PEAK1: variants seen among roughly 807,000 people sequenced by gnomAD.
PEAK1 encodes the protein pseudopodium enriched atypical kinase 1.
A neutral mutation model predicts 124.7 loss-of-function variants in PEAK1; 54 were observed. The ratio of observed to expected loss-of-function variants is 0.43; its 90% CI spans 0.35 to 0.54. The LOEUF (loss-of-function observed/expected upper bound fraction) is 0.54, where lower values mean the gene tolerates loss of function less well. Among genes scored for constraint, PEAK1 ranks in the 20% least tolerant of loss-of-function variants. The probability of loss-of-function intolerance (pLI) is 0.01; values close to 1 mark genes in which losing one functional copy is unlikely to be tolerated. For missense variants in PEAK1, 2,046 were observed against 2,134.5 expected, an observed-to-expected ratio of 0.96 and a Z score of 0.82; for synonymous variants, 719 against 760.0, an observed-to-expected ratio of 0.95 and a Z score of 0.89.
chr15:77,118,159 T>A (rs2051566474), intron 9 of PEAK1, among the ~76,000 whole-genome samples: 1 of 152,210 alleles, frequency 6.6e-6, no homozygotes, highest in Admixed American at 6.5e-5. Context: ...TGAGTCACTC[T>A]AGCTTTAAGA....
chr15:77,255,091 G>A (rs1416124329), intron 5 of PEAK1, among the ~76,000 whole-genome samples: 3 of 151,932 alleles, frequency 2.0e-5, no homozygotes, highest in African/African-American at 7.3e-5. Context: ...CCAGATATAG[G>A]GCACACATGT....
downstream of PEAK1, chr15:77,105,494 C>G (rs1330574251): frequency 1.3e-5 from 2 of 152,092 alleles, no homozygotes; most frequent in Non-Finnish European, 2.9e-5. Flanking sequence ...TTCCCTCCTA[C>G]CCCCCCACCC....
chr15:77,370,608 T>G (rs888141811), intron 1 of PEAK1: 59 of 772,116 alleles, frequency 7.6e-5, no homozygotes, highest in Non-Finnish European at 9.3e-5. Flanking sequence ...ATTTCTAAAG[T>G]CCCTTGCCTA....
intron 1 of PEAK1, chr15:77,402,764 G>A: frequency 1.0e-6 from 1 of 985,160 alleles, no homozygotes; most frequent in Non-Finnish European, 1.2e-6. Context: ...CTTTCATACT[G>A]CACATGCCAT....
intron 9 of PEAK1, among the ~76,000 whole-genome samples, chr15:77,129,443 A>AT (rs35174642): frequency 0.016 from 2,299 of 141,120 alleles, 51 homozygotes; most frequent in African/African-American, 0.052. Context: ...TCTACCACTG[A>AT]TTTTTTTTTT....
intron 1 of PEAK1, chr15:77,381,564 T>C: frequency 1.5e-6 from 1 of 680,176 alleles, no homozygotes; most frequent in Middle Eastern, 7.6e-4. Flanking sequence ...AAAGGTTCAC[T>C]TGTAAGGCAT....
At chr15:77,310,759 CTGGCT>C (rs1210382431) in intron 2 of PEAK1, among the ~76,000 whole-genome samples, 2 of 152,116 alleles carry the variant, frequency 1.3e-5, no homozygotes, top group Non-Finnish European at 2.9e-5. Context: ...TGACCTAGAC[CTGGCT>C]TGGGGATAAC....
intron 6 of PEAK1, among the ~76,000 whole-genome samples, chr15:77,202,012 C>T (rs17467967): frequency 0.028 from 4,311 of 152,214 alleles, 94 homozygotes; most frequent in South Asian, 0.095. Flanking sequence ...ATTTTAGACT[C>T]CAATATTGTT....
At chr15:77,314,690 T>C (rs1188581912) in intron 2 of PEAK1, among the ~76,000 whole-genome samples, 1 of 152,118 alleles carries the variant, frequency 6.6e-6, no homozygotes, top group Non-Finnish European at 1.5e-5. Context: ...TCTAGATGAC[T>C]GAATAACAGT....
chr15:77,343,722 C>A (rs1445926413), intron 2 of PEAK1, among the ~76,000 whole-genome samples: 1 of 151,992 alleles, frequency 6.6e-6, no homozygotes, highest in Non-Finnish European at 1.5e-5. Context: ...CTGACCTCAA[C>A]TGATCTGCCA....
At chr15:77,395,119 T>C (rs1043711972) in intron 1 of PEAK1, among the ~76,000 whole-genome samples, 3 of 152,154 alleles carry the variant, frequency 2.0e-5, no homozygotes, top group Non-Finnish European at 4.4e-5. Context: ...CAGACTAAAA[T>C]AATTTAAAAG....
chr15:77,230,089 T>C (rs1010155134), intron 6 of PEAK1, among the ~76,000 whole-genome samples: 2 of 152,190 alleles, frequency 1.3e-5, no homozygotes, highest in Non-Finnish European at 2.9e-5. Flanking sequence ...GAGAATAATA[T>C]AAAATATACC....
chr15:77,151,205 C>T (rs1315894120), intron 8 of PEAK1, among the ~76,000 whole-genome samples: 16 of 151,146 alleles, frequency 1.1e-4, no homozygotes, highest in South Asian at 4.2e-4. Context: ...GATCACCATT[C>T]TAACTGGTGT....
chr15:77,335,226 A>G, intron 2 of PEAK1: 11 of 985,438 alleles, frequency 1.1e-5, no homozygotes, highest in Non-Finnish European at 1.3e-5. Context: ...ATTCTCCTTC[A>G]GGGGCTCCTC....
At chr15:77,376,393 G>C (rs560160631) in intron 1 of PEAK1, among the ~76,000 whole-genome samples, 3 of 151,826 alleles carry the variant, frequency 2.0e-5, no homozygotes, top group East Asian at 1.9e-4. Flanking sequence ...TTAAGGGGGT[G>C]GGGGGGAAGT....
chr15:77,267,926 TCAG>T (rs1453542183), intron 5 of PEAK1, among the ~76,000 whole-genome samples: 1 of 151,890 alleles, frequency 6.6e-6, no homozygotes, highest in African/African-American at 2.4e-5. Flanking sequence ...AGAGGAGGCA[TCAG>T]AGAAAGGTGA....
At chr15:77,349,380 A>C (rs1451534842) in intron 2 of PEAK1, 3 of 983,732 alleles carry the variant, frequency 3.0e-6, no homozygotes, top group Non-Finnish European at 3.6e-6. Context: ...ACAAAGACAT[A>C]AATGTTTCCA....
chr15:77,276,891 G>T (rs1157415182), intron 5 of PEAK1, among the ~76,000 whole-genome samples: 1 of 152,004 alleles, frequency 6.6e-6, no homozygotes, highest in Non-Finnish European at 1.5e-5. Flanking sequence ...TAAATGGGGG[G>T]GACTAAAGGG....
At chr15:77,207,543 C>A (rs530793221) in intron 6 of PEAK1, among the ~76,000 whole-genome samples, 1 of 152,188 alleles carries the variant, frequency 6.6e-6, no homozygotes, top group Admixed American at 6.5e-5. Flanking sequence ...CTTGAATGCA[C>A]ATTATTAAGT....
Sources: allele counts gnomAD v4.1 joint callset (sites outside exome capture counted in the v4.1 genomes callset), GRCh38; gene constraint gnomAD v4.1.1; transcripts MANE v1.5; gene names NCBI Gene and HGNC (gene_info 2026-07-23, HGNC 2026-07-21).